The following TCEA3 variants were observed in gnomAD, a reference collection of about 807,000 sequenced individuals.
TCEA3 encodes the protein transcription elongation factor A3.
TCEA3 carries 36 observed loss-of-function variants against 44.0 expected under a neutral mutation model. The ratio of observed to expected loss-of-function variants is 0.82; its 90% confidence interval spans 0.63 to 1.08. The LOEUF is 1.08. TCEA3 is among the 50% of genes least tolerant of loss of function. The probability of loss-of-function intolerance (pLI) is 0.00; values close to 1 mark genes in which losing one functional copy is unlikely to be tolerated. For missense variants in TCEA3, 392 were observed against 441.2 expected, an observed-to-expected ratio of 0.89 and a Z score of 1.00; for synonymous variants, 162 against 159.7, an observed-to-expected ratio of 1.01 and a Z score of -0.11.
At chr1:23,423,681 T>C (rs1269835293) in intron 1 of TCEA3, among the ~76,000 whole-genome samples, 2 of 152,222 alleles carry the variant, frequency 1.3e-5, no homozygotes, top group Non-Finnish European at 2.9e-5. Flanking sequence ...GCTCCCTTTT[T>C]TTCCCTCCCA....
chr1:23,383,880 G>A, intron 10 of TCEA3: 1 of 993,844 alleles, frequency 1.0e-6, no homozygotes, highest in Non-Finnish European at 1.2e-6. Flanking sequence ...GCTTCCTTAG[G>A]AGGGAAGGAT....
intron 4 of TCEA3, among the ~76,000 whole-genome samples, chr1:23,414,476 C>T (rs968474303): frequency 5.3e-5 from 8 of 152,350 alleles, no homozygotes; most frequent in Admixed American, 3.9e-4. Context: ...GATCTTGGCT[C>T]ACTGACACTT....
At chr1:23,420,317 C>T (rs970773983) in intron 1 of TCEA3, among the ~76,000 whole-genome samples, 1 of 152,222 alleles carries the variant, frequency 6.6e-6, no homozygotes, top group African/African-American at 2.4e-5. Context: ...TCACAGTTCA[C>T]TGCAGCTTCG....
chr1:23,400,065 T>A (rs759272920), intron 5 of TCEA3, among the ~76,000 whole-genome samples: 1 of 152,182 alleles, frequency 6.6e-6, no homozygotes, highest in Non-Finnish European at 1.5e-5. Flanking sequence ...AGCTGGAGCG[T>A]GAGGGTGAGG....
rs1308027035 is a variant in TCEA3, at chr1:23,397,574, C to T, written c.635G>A (p.Cys212Tyr). The T allele has an allele frequency of 6.2e-7, 1 of 1,613,876 alleles. No homozygotes were observed. Among genetic ancestry groups the T allele is most frequent in the South Asian group, 1.1e-5 (1 of 91,072 alleles). Residue 212 changes from cysteine to tyrosine, a missense_variant, in exon 7 of 11, where the codon TGT (cysteine) becomes TAT (tyrosine). By Grantham distance (194) the Cys-to-Tyr change is radical. Transcript: ENST00000450454. ...DDDYKDYGVNCDKMASEIEDH... is the reference protein window; with the variant it reads ...DDDYKDYGVNYDKMASEIEDH... ...TTCGATTTCTGATGCCATCTTGTCA[C>T]AGTTGACTCCATAGTCCTTGTAATC...
At chr1:23,389,720 A>C (rs900355511) in intron 8 of TCEA3, among the ~76,000 whole-genome samples, 1 of 152,202 alleles carries the variant, frequency 6.6e-6, no homozygotes, top group African/African-American at 2.4e-5. Context: ...TTGCAGGTAA[A>C]CCAGCTTTGG....
chr1:23,402,340 C>CA (rs1269339158), intron 5 of TCEA3, among the ~76,000 whole-genome samples: 1 of 151,920 alleles, frequency 6.6e-6, no homozygotes, highest in African/African-American at 2.4e-5. Context: ...ACTGTGTTTC[C>CA]AAAAAAACAA....
chr1:23,401,018 T>C (rs1264490492), intron 5 of TCEA3, among the ~76,000 whole-genome samples: 1 of 152,102 alleles, frequency 6.6e-6, no homozygotes, highest in African/African-American at 2.4e-5. Context: ...TGTCTGAGAG[T>C]GAGGCTAACT....
intron 9 of TCEA3, among the ~76,000 whole-genome samples, chr1:23,385,740 G>C (rs1464584946): frequency 6.6e-6 from 1 of 152,258 alleles, no homozygotes; most frequent in African/African-American, 2.4e-5. Flanking sequence ...CTGGTTTTAA[G>C]AGAAGGGGCC....
chr1:23,402,323 G>A (rs1245870381), intron 5 of TCEA3, among the ~76,000 whole-genome samples: 3 of 152,136 alleles, frequency 2.0e-5, no homozygotes, highest in East Asian at 3.9e-4. Context: ...CTGAGTGACC[G>A]AGTGAGACTG....
rs202234654 is a variant in TCEA3 at position 23,387,393 on chromosome 1, C to G, written c.846G>C (p.Glu282Asp). The change falls in exon 9 of 11, where the codon GAG becomes GAC. Residue 282 changes from glutamate (E) to aspartate (D), a missense_variant. Transcript: ENST00000450454. ...AEEMASDELR[E>D]LRNAMTQEAI... The stretch of plus-strand genomic sequence containing the variant: ...CCTCCTGGGTCATGGCATTCCTCAA[C>G]TCCCTCAGTTCATCACTGGCCATTT... 2.5e-6 allele frequency: 4 copies of G among 1,609,136 alleles called. No individual in the cohort carries two copies. Among genetic ancestry groups the G allele is most frequent in the East Asian group, 2.2e-5 (1 of 44,834 alleles).
intron 10 of TCEA3, 92 bp from the exon 11 acceptor site, chr1:23,381,566 G>T: frequency 1.3e-6 from 1 of 773,714 alleles, no homozygotes. Flanking sequence ...GTGGTGTCTG[G>T]AGCCACACAG....
At chr1:23,390,069 A>G (rs2148548236) in intron 8 of TCEA3, among the ~76,000 whole-genome samples, 1 of 152,302 alleles carries the variant, frequency 6.6e-6, no homozygotes, top group Admixed American at 6.5e-5. Context: ...GCAACAGGGT[A>G]TGGTGGTTAA....
intron 5 of TCEA3, among the ~76,000 whole-genome samples, chr1:23,406,643 G>A (rs77282836): frequency 6.6e-6 from 1 of 151,748 alleles, no homozygotes; most frequent in African/African-American, 2.4e-5. Context: ...TTGTTTTGTT[G>A]TGTTGTGTTT....
Position 23,417,201 on chromosome 1 carries a change from G to A in TCEA3, c.380+48C>T, listed in dbSNP as rs371680015. 1.2e-4 allele frequency: 184 copies of A among 1,592,002 alleles called. No individual in the cohort carries two copies. The Middle Eastern group carries it at 1.7e-3, about 15-fold the overall frequency. ...TAATATACACTGAGTTGCTGTCAGA[G>A]GACGTGACAAGTGTCAGCTCCCTTC... is the stretch of plus-strand genomic sequence containing the variant. On this transcript the variant is annotated intron_variant, in intron 4 of 10. Transcript: ENST00000450454.
intron 5 of TCEA3, among the ~76,000 whole-genome samples, chr1:23,406,412 A>C (rs539199995): frequency 1.3e-5 from 2 of 152,144 alleles, no homozygotes; most frequent in South Asian, 4.1e-4. Flanking sequence ...CCAAAACCCA[A>C]TGTGGCCCAT....
intron 5 of TCEA3, among the ~76,000 whole-genome samples, chr1:23,406,471 G>A (rs1466293840): frequency 6.6e-6 from 1 of 152,040 alleles, no homozygotes; most frequent in East Asian, 1.9e-4. Flanking sequence ...TTCCTGGCCT[G>A]GCCTGCTCTC....
Position 23,418,733 on chromosome 1 carries a change from GC to G in TCEA3, c.132+343del, listed in dbSNP as rs1339507333. Among the ~76,000 whole-genome samples, 9 of 152,054 alleles carry G rather than the reference GC, an allele frequency of 5.9e-5. No homozygotes were observed. The South Asian group carries it at 6.2e-4, about 10-fold the overall frequency. ...TTTGGTAAATCTGGGGACTTTAAGG[GC>G]TACACAGGGATTTTAAATGGGGGCT... On this transcript the variant is annotated intron_variant, in intron 2 of 10. Coordinates refer to ENST00000450454, the MANE Select transcript of TCEA3 (RefSeq NM_003196.3).
chr1:23,423,376 A>G (rs1019040536), intron 1 of TCEA3, among the ~76,000 whole-genome samples: 4 of 152,186 alleles, frequency 2.6e-5, no homozygotes, highest in Non-Finnish European at 5.9e-5. Context: ...CTCCAGAGGC[A>G]GATAATCTCA....
Sources: allele counts gnomAD v4.1 joint callset (sites outside exome capture counted in the v4.1 genomes callset), GRCh38; gene constraint gnomAD v4.1.1; transcripts MANE v1.5; gene names NCBI Gene and HGNC (gene_info 2026-07-23, HGNC 2026-07-21).